The following PVT1 variants were observed in gnomAD, a reference collection of about 807,000 sequenced individuals.
PVT1 encodes CXCR4/PVT1 fusion.
chr8:127,985,581 C>T (rs1563657972), intron 3 of PVT1, among the ~76,000 whole-genome samples: 1 of 152,132 alleles, frequency 6.6e-6, no homozygotes. Context: ...GCACCCCATG[C>T]TCGGCTTGCT....
rs75173609 is a variant in PVT1, at chr8:128,032,641, A to G, written n.913-37519A>G. On this transcript the variant is annotated intron_variant and non_coding_transcript_variant, in intron 4 of 10. Coordinates refer to ENST00000651587, the Ensembl canonical transcript of PVT1. Reference sequence around the variant, plus strand: ...TCAATATTAAGCATTTATTATCTACATATCTGGGGAGATTGGCCAAGCAGC... The same window carrying G: ...TCAATATTAAGCATTTATTATCTACGTATCTGGGGAGATTGGCCAAGCAGC... Among the ~76,000 whole-genome samples the G allele has an allele frequency of 3.0e-3, 457 of 152,340 alleles. 4 individuals are homozygous for G. The highest frequency in any genetic ancestry group is 0.02 in the Middle Eastern group (6 of 294).
intron 3 of PVT1, among the ~76,000 whole-genome samples, chr8:127,968,388 G>C (rs1018058009): frequency 6.6e-6 from 1 of 152,024 alleles, no homozygotes; most frequent in East Asian, 1.9e-4. Context: ...GGGTGGGATG[G>C]GGGGTGGTTT....
At chr8:128,042,421 T>G (rs1376524490) in intron 4 of PVT1, among the ~76,000 whole-genome samples, 1 of 152,116 alleles carries the variant, frequency 6.6e-6, no homozygotes, top group Non-Finnish European at 1.5e-5. Flanking sequence ...ATGGCGATAG[T>G]GTTGCAATGT....
At chr8:127,799,840 G>A (rs1814441878) in intron 2 of PVT1, among the ~76,000 whole-genome samples, 2 of 152,208 alleles carry the variant, frequency 1.3e-5, no homozygotes, top group African/African-American at 4.8e-5. Context: ...GAATAGAAAG[G>A]CAACATTCTA....
chr8:128,000,597 A>C (rs564913596), intron 4 of PVT1, among the ~76,000 whole-genome samples: 6 of 152,314 alleles, frequency 3.9e-5, no homozygotes, highest in Admixed American at 3.3e-4. Flanking sequence ...CTGGTTGTTC[A>C]AAGGAAAACT....
At chr8:127,826,850 C>G (rs1048366656) in intron 2 of PVT1, among the ~76,000 whole-genome samples, 12 of 152,166 alleles carry the variant, frequency 7.9e-5, no homozygotes, top group Admixed American at 7.2e-4. Flanking sequence ...AGTAAAAGAT[C>G]TTTGAAAGCC....
At position 127,826,978 on chromosome 8, in the gene PVT1, CTT is replaced by C. The variant is rs1199808645; in HGVS notation, n.372+30909_372+30910del. 2.9e-4 allele frequency among the ~76,000 whole-genome samples: 40 copies of C among 136,860 alleles called. No homozygotes were observed. The East Asian group carries it at 8.0e-3, about 28-fold the overall frequency. 89.8% of individuals were successfully genotyped at this position (136,860 alleles called of 152,430 possible). A position where few individuals can be genotyped will look rare whatever the true frequency, so the allele number is the denominator to read the frequency against. On this transcript the variant is annotated intron_variant and non_coding_transcript_variant, in intron 2 of 10. Coordinates refer to ENST00000651587, the Ensembl canonical transcript of PVT1. ...ATCCTGGCCACAGGGCTTTCTTTTTCTTTCTTTCTTTTTCTCTTTTTTTTTTT... is the reference window on the plus strand; with the variant it reads ...ATCCTGGCCACAGGGCTTTCTTTTTCTCTTTCTTTTTCTCTTTTTTTTTTT...
At chr8:128,063,627 A>G (rs1034048584) in intron 4 of PVT1, among the ~76,000 whole-genome samples, 7 of 152,184 alleles carry the variant, frequency 4.6e-5, no homozygotes, top group African/African-American at 1.7e-4. Context: ...AAAGACAAAT[A>G]CTAAATGATC....
chr8:128,099,059 G>A (rs1814467102), intron 6 of PVT1, among the ~76,000 whole-genome samples: 1 of 152,164 alleles, frequency 6.6e-6, no homozygotes, highest in Admixed American at 6.5e-5. Context: ...CCATTTTACA[G>A]ACAATTAATA....
chr8:127,976,151 T>G (rs1416713585), intron 3 of PVT1, among the ~76,000 whole-genome samples: 2 of 152,208 alleles, frequency 1.3e-5, no homozygotes, highest in Non-Finnish European at 2.9e-5. Context: ...GGAGTTAGAA[T>G]TTCAACTTGC....
At chr8:128,096,391 C>G (rs1211171048) in intron 5 of PVT1, 1 of 152,228 alleles carries the variant, frequency 6.6e-6, no homozygotes, top group Admixed American at 6.5e-5. Flanking sequence ...GAACATGTGT[C>G]AAATGCTCTG....
At chr8:127,840,405 G>T (rs1814960617) in intron 2 of PVT1, among the ~76,000 whole-genome samples, 1 of 152,250 alleles carries the variant, frequency 6.6e-6, no homozygotes, top group Non-Finnish European at 1.5e-5. Flanking sequence ...GAAAGGAGCA[G>T]TGTCTCAAAA....
At chr8:127,801,451 G>A (rs1476206886) in intron 2 of PVT1, among the ~76,000 whole-genome samples, 1 of 152,132 alleles carries the variant, frequency 6.6e-6, no homozygotes, top group East Asian at 1.9e-4. Flanking sequence ...ATGTTGGCCA[G>A]GCAGGTCTCA....
intron 4 of PVT1, among the ~76,000 whole-genome samples, chr8:128,067,108 C>T (rs562030633): frequency 2.0e-4 from 31 of 152,316 alleles, no homozygotes; most frequent in South Asian, 1.0e-3. Flanking sequence ...AGTGCCCACA[C>T]TCAATTAATC....
intron 1 of PVT1, among the ~76,000 whole-genome samples, chr8:127,795,250 C>G (rs1249097462): frequency 6.6e-6 from 1 of 152,102 alleles, no homozygotes; most frequent in East Asian, 1.9e-4. Flanking sequence ...GCTCCTAAAC[C>G]CTCATCATGG....
intron 2 of PVT1, among the ~76,000 whole-genome samples, chr8:127,846,839 T>A (rs929305089): frequency 8.4e-5 from 12 of 143,146 alleles, no homozygotes; most frequent in Middle Eastern, 3.6e-3. Flanking sequence ...ACCCAGCAAA[T>A]TTTTTTTTTT....
intron 4 of PVT1, among the ~76,000 whole-genome samples, chr8:128,064,047 G>A (rs1220111734): frequency 6.6e-6 from 1 of 152,126 alleles, no homozygotes; most frequent in African/African-American, 2.4e-5. Flanking sequence ...GATCACTGAC[G>A]GAGCTAGTAT....
At chr8:127,967,434 C>G (rs1349940583) in intron 3 of PVT1, among the ~76,000 whole-genome samples, 3 of 152,230 alleles carry the variant, frequency 2.0e-5, no homozygotes, top group South Asian at 4.1e-4. Flanking sequence ...TAATACAATA[C>G]TGGCTCAAAG....
intron 4 of PVT1, among the ~76,000 whole-genome samples, chr8:128,002,557 C>T (rs1229470065): frequency 6.6e-6 from 1 of 152,184 alleles, no homozygotes; most frequent in Non-Finnish European, 1.5e-5. Context: ...AAAATCCTCC[C>T]TTTCTCTCTC....
Sources: gnomAD v4.1 joint callset for allele counts (sites outside exome capture counted in the v4.1 genomes callset) on GRCh38, gnomAD v4.1.1 for gene constraint, MANE v1.5 for transcripts, NCBI Gene and HGNC (gene_info 2026-07-23, HGNC 2026-07-21) for gene names.